TNPO1: variants seen among roughly 807,000 people sequenced by gnomAD.
TNPO1 encodes the protein transportin 1, also known as transportin-1.
TNPO1 carries 8 observed loss-of-function variants against 119.5 expected under a neutral mutation model. The ratio of observed to expected loss-of-function variants is 0.07; its 90% CI spans 0.04 to 0.12. The LOEUF (loss-of-function observed/expected upper bound fraction) is 0.12, where lower values mean the gene tolerates loss of function less well. Ranked by LOEUF, TNPO1 falls within the 10% of genes least tolerant of loss-of-function variation. TNPO1 has a pLI of 1.00. For missense variants in TNPO1, 576 were observed against 1,089.8 expected (o/e 0.53, Z 6.64); for synonymous variants, 362 against 363.0 (o/e 1.00, Z 0.03).
In TNPO1 at chr5:72,908,784, A is replaced by G. The variant is rs1473204872; in HGVS notation, c.*111A>G. 3.2e-6 allele frequency: 1 copy of G among 315,450 alleles called. No individual in the cohort carries two copies. The highest frequency in any genetic ancestry group is 1.0e-4 in the East Asian group (1 of 9,780). The allele number at this position is 315,450 out of a possible 1,614,324, so 19.5% of individuals were successfully genotyped here. ...TTACCCTTTACAGGGGGGAAGGGTA[A>G]ACCAGTAGGGAATACAGTACAATCC... On this transcript the variant is annotated 3_prime_UTR_variant, in exon 25 of 25. Coordinates refer to ENST00000337273, the MANE Select transcript of TNPO1 (RefSeq NM_002270.4).
intron 9 of TNPO1, among the ~76,000 whole-genome samples, chr5:72,880,983 C>A (rs190687688): frequency 2.6e-4 from 39 of 152,220 alleles, no homozygotes; most frequent in African/African-American, 6.5e-4. Flanking sequence ...GTCTTATTTT[C>A]TGACCTCATT....
rs1455314757 is a variant in TNPO1, at chr5:72,911,844, T to G, written c.*3171T>G. 6.6e-6 allele frequency: 1 copy of G among 152,534 alleles called. No individual in the cohort carries two copies. The highest frequency in any genetic ancestry group is 1.5e-5 in the Non-Finnish European group (1 of 67,954). The allele number at this position is 152,534 out of a possible 1,614,324, so 9.4% of individuals were successfully genotyped here. A position where few individuals can be genotyped will look rare whatever the true frequency, so the allele number is the denominator to read the frequency against. On this transcript the variant is annotated 3_prime_UTR_variant, in exon 25 of 25. Transcript: ENST00000337273. ...CAGTGTTTACTGTTTTATATATGCC[T>G]TCTTTTTCCTGTTTGAGCTTCTCTC...
rs147810056 is a variant in TNPO1 at position 72,891,381 on chromosome 5, C to T, written c.1702-429C>T. Among the ~76,000 whole-genome samples the T allele has an allele frequency of 6.0e-3, 914 of 152,114 alleles. 6 individuals are homozygous for T. Among genetic ancestry groups the T allele is most frequent in the African/African-American group, 0.021 (891 of 41,504 alleles). On this transcript the variant is annotated intron_variant, in intron 14 of 24. Coordinates refer to ENST00000337273, the MANE Select transcript of TNPO1 (RefSeq NM_002270.4). ...TCGGGAGGCTGAGGCAGGAGAATGGCGTGGACCTGGGAGGCGGAGCTTGCA... is the reference window on the plus strand; with the variant it reads ...TCGGGAGGCTGAGGCAGGAGAATGGTGTGGACCTGGGAGGCGGAGCTTGCA...
rs142406148 is a variant in TNPO1, at chr5:72,871,269, G to A, written c.597-1370G>A. Among the ~76,000 whole-genome samples, 82 of 152,238 alleles carry A rather than the reference G, an allele frequency of 5.4e-4. 1 individual carries two copies. In the East Asian group the frequency reaches 0.014, roughly 26 times the overall value. Reference sequence around the variant, plus strand: ...TAGGATTACAGGCGTGAGTCACTGCGCCCAGCCAGTAGTAGTTTTATAGAA... The same window carrying A: ...TAGGATTACAGGCGTGAGTCACTGCACCCAGCCAGTAGTAGTTTTATAGAA... On this transcript the variant is annotated intron_variant, in intron 6 of 24. Transcript: ENST00000337273.
intron 1 of TNPO1, among the ~76,000 whole-genome samples, chr5:72,828,059 T>C (rs1217434455): frequency 1.3e-5 from 2 of 152,104 alleles, no homozygotes; most frequent in East Asian, 3.8e-4. Flanking sequence ...GATGAGATTA[T>C]ATAGATAGTG....
rs926908604 is a variant in TNPO1, at chr5:72,914,171, CTG to C, written c.*5501_*5502del. On this transcript the variant is annotated 3_prime_UTR_variant, in exon 25 of 25. Transcript: ENST00000337273. ...AATTGATATTTCTTGAAGTCTAACTCTGTGCTAACAGATCTCCATTTTAAATA... is the reference window on the plus strand; with the variant it reads ...AATTGATATTTCTTGAAGTCTAACTCTGCTAACAGATCTCCATTTTAAATA... The C allele has an allele frequency of 6.6e-6, 1 of 152,586 alleles. No homozygotes were observed. The highest frequency in any genetic ancestry group is 1.5e-5 in the Non-Finnish European group (1 of 67,996). 9.5% of individuals were successfully genotyped at this position (152,586 alleles called of 1,614,324 possible). A position where few individuals can be genotyped will look rare whatever the true frequency, so the allele number is the denominator to read the frequency against.
intron 11 of TNPO1, among the ~76,000 whole-genome samples, chr5:72,885,219 A>C (rs1314259422): frequency 6.6e-6 from 1 of 152,242 alleles, no homozygotes; most frequent in African/African-American, 2.4e-5. Flanking sequence ...GCAGAAAGAG[A>C]GATATACCCA....
At chr5:72,837,927 A>T (rs750628976) in intron 1 of TNPO1, among the ~76,000 whole-genome samples, 1 of 152,210 alleles carries the variant, frequency 6.6e-6, no homozygotes, top group African/African-American at 2.4e-5. Context: ...CCTCTACTCC[A>T]TCAGGAACTA....
chr5:72,862,992 T>TGTGTG, intron 5 of TNPO1, among the ~76,000 whole-genome samples: 1 of 144,772 alleles, frequency 6.9e-6, no homozygotes, highest in African/African-American at 2.6e-5. Context: ...CTGTGGGTTT[T>TGTGTG]TGTGTGTGTG....
At position 72,909,811 on chromosome 5, in the gene TNPO1, ATATTG is replaced by A. The variant is rs1750438831; in HGVS notation, c.*1145_*1149del. The A allele has an allele frequency of 6.6e-6, 1 of 152,602 alleles. No individual in the cohort carries two copies. Among genetic ancestry groups the A allele is most frequent in the Admixed American group, 6.5e-5 (1 of 15,276 alleles). The allele number at this position is 152,602 out of a possible 1,614,324, so 9.5% of individuals were successfully genotyped here. A position where few individuals can be genotyped will look rare whatever the true frequency, so the allele number is the denominator to read the frequency against. ...TTAGGATCTGTTAGGAATAAGATTG[ATATTG>A]TATTGTGTGTAACCTGCACAATGTG... On this transcript the variant is annotated 3_prime_UTR_variant, in exon 25 of 25. Transcript: ENST00000337273.
chr5:72,888,908 A>G (rs1183208778), intron 13 of TNPO1, among the ~76,000 whole-genome samples: 1 of 152,138 alleles, frequency 6.6e-6, no homozygotes, highest in Non-Finnish European at 1.5e-5. Context: ...TGCTTTTATT[A>G]CTACAAATAT....
chr5:72,821,898 G>T (rs1411015942), intron 1 of TNPO1, among the ~76,000 whole-genome samples: 1 of 152,044 alleles, frequency 6.6e-6, no homozygotes, highest in East Asian at 1.9e-4. Context: ...ATATAGCAGG[G>T]GTCCACAAAC....
At chr5:72,865,287 C>G (rs1746794503) in intron 5 of TNPO1, among the ~76,000 whole-genome samples, 1 of 151,692 alleles carries the variant, frequency 6.6e-6, no homozygotes, top group Non-Finnish European at 1.5e-5. Flanking sequence ...ACAAAAAATA[C>G]AAAACTTAGC....
chr5:72,853,287 G>C (rs1430904763), intron 3 of TNPO1, among the ~76,000 whole-genome samples: 4 of 152,146 alleles, frequency 2.6e-5, no homozygotes, highest in African/African-American at 9.7e-5. Context: ...CTCCATCTCT[G>C]TAAAAATTAG....
chr5:72,875,840 A>T, intron 8 of TNPO1, 103 bp downstream of exon 8: 1 of 1,313,442 alleles, frequency 7.6e-7, no homozygotes, highest in Non-Finnish European at 1.0e-6. Flanking sequence ...TAAAATAGTT[A>T]TAATTGTCTT....
intron 7 of TNPO1, 35 bp from the exon 8 acceptor site, chr5:72,875,580 T>A (rs550076404): frequency 6.2e-7 from 1 of 1,603,494 alleles, no homozygotes; most frequent in South Asian, 1.1e-5. Flanking sequence ...TGTAAGCCTT[T>A]CTAAAACTAG....
At chr5:72,862,005 G>A in intron 5 of TNPO1, 91 bp downstream of exon 5, 1 of 828,582 alleles carries the variant, frequency 1.2e-6, no homozygotes, top group South Asian at 1.6e-5. Context: ...TAGTTCCTCT[G>A]AAACATACAG....
rs573266794 is a variant in TNPO1 at position 72,909,414 on chromosome 5, A to G, written c.*741A>G. Reference sequence around the variant, plus strand: ...GGGAGGAATAAATGGGGTTGGGCATATCAAACTAAAGATGACATCTTAATT... The same window carrying G: ...GGGAGGAATAAATGGGGTTGGGCATGTCAAACTAAAGATGACATCTTAATT... On this transcript the variant is annotated 3_prime_UTR_variant, in exon 25 of 25. Coordinates refer to ENST00000337273, the MANE Select transcript of TNPO1 (RefSeq NM_002270.4). 1 of 152,340 alleles carries G rather than the reference A, an allele frequency of 6.6e-6. No individual in the cohort carries two copies. Among genetic ancestry groups the G allele is most frequent in the Non-Finnish European group, 1.5e-5 (1 of 68,032 alleles). The allele number at this position is 152,340 out of a possible 1,614,324, so 9.4% of individuals were successfully genotyped here. A position where few individuals can be genotyped will look rare whatever the true frequency, so the allele number is the denominator to read the frequency against.
intron 1 of TNPO1, among the ~76,000 whole-genome samples, chr5:72,833,188 G>A (rs1173021595): frequency 1.3e-5 from 2 of 152,006 alleles, no homozygotes; most frequent in East Asian, 3.9e-4. Context: ...GCTTAATCAG[G>A]ATAGCAATAT....
Sources: gnomAD v4.1 joint callset for allele counts (sites outside exome capture counted in the v4.1 genomes callset) on GRCh38, gnomAD v4.1.1 for gene constraint, MANE v1.5 for transcripts, NCBI Gene and HGNC (gene_info 2026-07-23, HGNC 2026-07-21) for gene names.